VAT1L: variants seen among roughly 807,000 people sequenced by gnomAD.
The protein encoded by VAT1L is putative NADPH-dependent quinone oxidoreductase VAT1L.
Under a neutral mutation model 44.1 loss-of-function variants are expected in VAT1L, and 34 were observed. The observed-to-expected ratio is 0.77, with a 90% CI of 0.59 to 1.03. The LOEUF (loss-of-function observed/expected upper bound fraction) is 1.03. Ranked by LOEUF, VAT1L falls within the 50% of genes least tolerant of loss-of-function variation. VAT1L has a pLI of 0.00. For synonymous variants in VAT1L, 253 were observed against 202.2 expected (o/e 1.25, Z -2.13); for missense variants, 615 against 538.8 (o/e 1.14, Z -1.40).
At chr16:77,814,975 A>AATT (rs1245529743) in intron 1 of VAT1L, among the ~76,000 whole-genome samples, 1 of 152,212 alleles carries the variant, frequency 6.6e-6, no homozygotes, top group Non-Finnish European at 1.5e-5. Flanking sequence ...TATGTGCATT[A>AATT]ATTTTCAATG....
At chr16:77,922,504 A>C (rs574869776) in intron 7 of VAT1L, among the ~76,000 whole-genome samples, 45 of 152,270 alleles carry the variant, frequency 3.0e-4, no homozygotes, top group Middle Eastern at 3.4e-3. Context: ...AATTCTTAAC[A>C]ATGAAAAGAC....
intron 7 of VAT1L, among the ~76,000 whole-genome samples, chr16:77,906,145 G>A (rs553102187): frequency 6.6e-6 from 1 of 152,184 alleles, no homozygotes; most frequent in African/African-American, 2.4e-5. Context: ...TCATCAAAAA[G>A]TTTGTCACTT....
intron 7 of VAT1L, among the ~76,000 whole-genome samples, chr16:77,959,075 G>C (rs1031256565): frequency 6.6e-6 from 1 of 152,198 alleles, no homozygotes; most frequent in Non-Finnish European, 1.5e-5. Flanking sequence ...TCCTGCACTT[G>C]TGTGACTCAG....
At chr16:77,838,788 T>TTC (rs747833569) in intron 3 of VAT1L, among the ~76,000 whole-genome samples, 1 of 151,776 alleles carries the variant, frequency 6.6e-6, no homozygotes, top group Admixed American at 6.6e-5. Context: ...TTTCTTCTTT[T>TTC]TCTCTCTCTC....
intron 7 of VAT1L, among the ~76,000 whole-genome samples, chr16:77,960,830 A>G (rs1188945554): frequency 6.6e-6 from 1 of 152,012 alleles, no homozygotes; most frequent in Non-Finnish European, 1.5e-5. Context: ...GACAGTAATG[A>G]CTATAACTAC....
At chr16:77,793,921 A>G (rs1396970832) in intron 1 of VAT1L, among the ~76,000 whole-genome samples, 2 of 152,104 alleles carry the variant, frequency 1.3e-5, no homozygotes, top group East Asian at 3.9e-4. Flanking sequence ...GCTGCAATAC[A>G]CTCTTTGTTT....
intron 3 of VAT1L, among the ~76,000 whole-genome samples, chr16:77,829,123 C>G (rs72628237): frequency 0.11 from 16,243 of 152,188 alleles, 1,126 homozygotes; most frequent in East Asian, 0.23. Context: ...TCTTCTCTTT[C>G]CATTCAACAG....
chr16:77,970,919 G>A (rs753434458), intron 7 of VAT1L, among the ~76,000 whole-genome samples: 2 of 152,076 alleles, frequency 1.3e-5, no homozygotes. Flanking sequence ...TAGGCTAGAC[G>A]CAACATTTAA....
At chr16:77,824,214 C>T (rs2966045) in intron 2 of VAT1L, among the ~76,000 whole-genome samples, 90,992 of 151,860 alleles carry the variant, frequency 0.6, 28,258 homozygotes, top group South Asian at 0.73. Context: ...TTGCTACCTT[C>T]CTTAGATGCA....
intron 3 of VAT1L, among the ~76,000 whole-genome samples, chr16:77,857,527 G>C (rs2016871262): frequency 6.6e-6 from 1 of 151,988 alleles, no homozygotes; most frequent in African/African-American, 2.4e-5. Flanking sequence ...GTAGATATGT[G>C]ATGAATTTGT....
At chr16:77,920,497 A>G (rs1171046480) in intron 7 of VAT1L, among the ~76,000 whole-genome samples, 4 of 152,156 alleles carry the variant, frequency 2.6e-5, no homozygotes, top group African/African-American at 9.7e-5. Context: ...CACCCCCTGA[A>G]TTATACTTAG....
intron 4 of VAT1L, among the ~76,000 whole-genome samples, chr16:77,863,312 G>T (rs2016935813): frequency 1.3e-5 from 2 of 152,222 alleles, no homozygotes; most frequent in African/African-American, 4.8e-5. Flanking sequence ...CAACAGATGG[G>T]CAGACAGCAC....
intron 5 of VAT1L, 107 bp downstream of exon 5, chr16:77,876,580 A>G (rs888215159): frequency 2.2e-6 from 2 of 926,558 alleles, no homozygotes; most frequent in Non-Finnish European, 3.4e-6. Flanking sequence ...GGGTAGTGGG[A>G]TGGGGGTGTT....
chr16:77,880,120 T>C (rs931969741), intron 6 of VAT1L, among the ~76,000 whole-genome samples: 3 of 152,196 alleles, frequency 2.0e-5, no homozygotes, highest in Non-Finnish European at 2.9e-5. Context: ...TGATCTATCT[T>C]CCTATCTGGA....
At chr16:77,954,675 C>T (rs1407696200) in intron 7 of VAT1L, among the ~76,000 whole-genome samples, 1 of 152,160 alleles carries the variant, frequency 6.6e-6, no homozygotes, top group Non-Finnish European at 1.5e-5. Context: ...TCAGGGGCAT[C>T]TTAGCCAAGC....
chr16:77,866,035 C>A (rs1321034116), intron 4 of VAT1L, among the ~76,000 whole-genome samples: 1 of 152,198 alleles, frequency 6.6e-6, no homozygotes, highest in Non-Finnish European at 1.5e-5. Flanking sequence ...TGACTTCCCA[C>A]AATTCATTGT....
chr16:77,918,110 C>T (rs1285014851), intron 7 of VAT1L, among the ~76,000 whole-genome samples: 2 of 152,082 alleles, frequency 1.3e-5, no homozygotes, highest in Non-Finnish European at 2.9e-5. Flanking sequence ...GGGGAGGTGT[C>T]GGGATGCAAA....
chr16:77,962,780 G>T (rs1028487854), intron 7 of VAT1L, among the ~76,000 whole-genome samples: 1 of 151,758 alleles, frequency 6.6e-6, no homozygotes, highest in Admixed American at 6.6e-5. Context: ...AGGAAGGAAA[G>T]AAAGAGAAAA....
Position 77,875,054 on chromosome 16 carries a change from G to C in VAT1L, c.723-1316G>C, listed in dbSNP as rs569868973. 2.6e-5 allele frequency among the ~76,000 whole-genome samples: 4 copies of C among 152,292 alleles called. 1 individual carries two copies. The highest frequency in any genetic ancestry group is 9.6e-5 in the African/African-American group (4 of 41,558). On this transcript the variant is annotated intron_variant, in intron 4 of 8. Transcript: ENST00000302536. ...GCAGGTTATTACAGTGCACACTTAGGTTTGAGATCCACTGTCCTAATTACT... is the reference window on the plus strand; with the variant it reads ...GCAGGTTATTACAGTGCACACTTAGCTTTGAGATCCACTGTCCTAATTACT...
Sources: gnomAD v4.1 joint callset for allele counts (sites outside exome capture counted in the v4.1 genomes callset) on GRCh38, gnomAD v4.1.1 for gene constraint, MANE v1.5 for transcripts, NCBI Gene and HGNC (gene_info 2026-07-23, HGNC 2026-07-21) for gene names.